Variants in NCOA3 observed in about 807,000 individuals in gnomAD.
NCOA3 encodes the protein nuclear receptor coactivator 3.
NCOA3 carries 51 observed loss-of-function variants against 158.8 expected under a neutral mutation model. The observed-to-expected ratio is 0.32, with a 90% confidence interval of 0.26 to 0.41. The LOEUF (loss-of-function observed/expected upper bound fraction) is 0.41, where lower values mean the gene tolerates loss of function less well. NCOA3 is among the 10% of genes least tolerant of loss of function. The pLI, the probability that NCOA3 is intolerant of heterozygous loss-of-function variation, is 1.00. For synonymous variants in NCOA3, 537 were observed against 592.4 expected (o/e 0.91, Z 1.36); for missense variants, 1,510 against 1,746.6 (o/e 0.86, Z 2.41).
intron 2 of NCOA3, among the ~76,000 whole-genome samples, chr20:47,602,084 A>G (rs1297491741): frequency 3.3e-5 from 5 of 152,252 alleles, no homozygotes; most frequent in Non-Finnish European, 5.9e-5. Context: ...TGAGTACACA[A>G]GCATTTGGAA....
Position 47,636,262 on chromosome 20 carries a change from A to T in NCOA3, c.1876A>T (p.Thr626Ser), listed in dbSNP as rs773912198. 5.6e-6 allele frequency: 9 copies of T among 1,614,058 alleles called. No homozygotes were observed. Among genetic ancestry groups the T allele is most frequent in the African/African-American group, 1.3e-5 (1 of 75,000 alleles). Residue 626 changes from threonine to serine, a missense_variant, in exon 12 of 23, where the codon ACC becomes TCC. Coordinates refer to ENST00000371998, the MANE Select transcript of NCOA3 (RefSeq NM_181659.3). ...KGHKKLLQLL[T>S]CSSDDRGHSS... ...TCATAAAAAATTACTGCAGTTACTT[A>T]CCTGTTCTTCTGATGACCGGGGTCA...
In NCOA3 at chr20:47,654,486, T is replaced by C. The variant is rs960690091; in HGVS notation, c.*1069T>C. On this transcript the variant is annotated 3_prime_UTR_variant, in exon 23 of 23. Transcript: ENST00000371998. ...TACAGAGTTTGTGAAGCTAAATATT[T>C]AACATTGTTGATTTCAGTAAGCTGT... is the stretch of plus-strand genomic sequence containing the variant. 5 of 152,620 alleles carry C rather than the reference T, an allele frequency of 3.3e-5. No individual in the cohort carries two copies. The highest frequency in any genetic ancestry group is 7.3e-5 in the Non-Finnish European group (5 of 68,038). 9.5% of individuals were successfully genotyped at this position (152,620 alleles called of 1,614,324 possible).
At chr20:47,620,715 C>T (rs897664903) in intron 2 of NCOA3, among the ~76,000 whole-genome samples, 13 of 152,084 alleles carry the variant, frequency 8.5e-5, no homozygotes, top group African/African-American at 1.4e-4. Flanking sequence ...CTTAAATAAC[C>T]GTCGTTCATT....
chr20:47,637,903 C>T, intron 13 of NCOA3, 120 bp downstream of exon 13: 1 of 886,300 alleles, frequency 1.1e-6, no homozygotes, highest in East Asian at 2.9e-5. Flanking sequence ...AACATATATT[C>T]TGCCTCTGTT....
intron 1 of NCOA3, among the ~76,000 whole-genome samples, chr20:47,535,019 G>GT (rs35717308): frequency 0.22 from 31,718 of 144,094 alleles, 3,757 homozygotes; most frequent in Middle Eastern, 0.33. Flanking sequence ...GCCCAGGCTT[G>GT]TTTTTTTTTT....
chr20:47,642,432 G>A, intron 17 of NCOA3, 48 bp downstream of exon 17: 4 of 1,365,614 alleles, frequency 2.9e-6, no homozygotes, highest in Non-Finnish European at 3.9e-6. Flanking sequence ...TTGTGTGTGT[G>A]CGCGCGTACA....
intron 17 of NCOA3, among the ~76,000 whole-genome samples, chr20:47,645,355 T>C (rs1176284857): frequency 6.6e-6 from 1 of 152,048 alleles, no homozygotes; most frequent in Non-Finnish European, 1.5e-5. Flanking sequence ...TTCAGCACCA[T>C]GCTCTGATCC....
rs150868784 is a variant in NCOA3 at position 47,558,508 on chromosome 20, A to G, written c.-98-24675A>G. Among the ~76,000 whole-genome samples the G allele has an allele frequency of 7.4e-3, 1,120 of 152,210 alleles. 15 individuals are homozygous for G. The highest frequency in any genetic ancestry group is 0.025 in the African/African-American group (1,058 of 41,534). On this transcript the variant is annotated intron_variant, in intron 1 of 22. Coordinates refer to ENST00000371998, the MANE Select transcript of NCOA3 (RefSeq NM_181659.3). ...GTCACATTGTGAGAGGTGAGGATTA[A>G]AACATGAAATTTGGCAGGGTGCAAA... is the stretch of plus-strand genomic sequence containing the variant.
chr20:47,624,190 AT>A (rs2086285790), intron 4 of NCOA3, 107 bp downstream of exon 4: 1 of 906,562 alleles, frequency 1.1e-6, no homozygotes, highest in South Asian at 1.7e-5. Context: ...GGTAGAGGGG[AT>A]GGTTTCAGGA....
chr20:47,570,941 C>CAG (rs1568691731), intron 1 of NCOA3, among the ~76,000 whole-genome samples: 3 of 102,894 alleles, frequency 2.9e-5, no homozygotes, highest in Non-Finnish European at 6.4e-5. Flanking sequence ...AATATATATA[C>CAG]ACACACACAC....
chr20:47,584,456 C>T (rs753035618), intron 2 of NCOA3, among the ~76,000 whole-genome samples: 26 of 151,948 alleles, frequency 1.7e-4, no homozygotes, highest in Non-Finnish European at 3.2e-4. Flanking sequence ...TCCGTCTCTA[C>T]TAAAAATACA....
chr20:47,602,441 G>T (rs1244544981), intron 2 of NCOA3, among the ~76,000 whole-genome samples: 1 of 152,088 alleles, frequency 6.6e-6, no homozygotes, highest in Non-Finnish European at 1.5e-5. Context: ...AATTCAAAAA[G>T]AATTCTAGAA....
chr20:47,518,176 G>A (rs1056933094), intron 1 of NCOA3, among the ~76,000 whole-genome samples: 2 of 150,828 alleles, frequency 1.3e-5, no homozygotes, highest in East Asian at 1.9e-4. Context: ...GGGAGACCCC[G>A]TCTCTGCCAA....
chr20:47,514,380 A>C (rs970516916), intron 1 of NCOA3, among the ~76,000 whole-genome samples: 4 of 152,170 alleles, frequency 2.6e-5, no homozygotes, highest in African/African-American at 9.6e-5. Flanking sequence ...TTTCAAAAAT[A>C]AACTTGTAAC....
chr20:47,520,536 C>T (rs563699428), intron 1 of NCOA3, among the ~76,000 whole-genome samples: 7 of 152,322 alleles, frequency 4.6e-5, no homozygotes, highest in South Asian at 2.1e-4. Context: ...CTGAAATTTG[C>T]GGAAGGCTCA....
chr20:47,532,110 T>TTGTGTGTGTGTG (rs11474538), intron 1 of NCOA3, among the ~76,000 whole-genome samples: 5,351 of 147,440 alleles, frequency 0.036, 283 homozygotes, highest in African/African-American at 0.12. Context: ...AGGGGGGGAC[T>TTGTGTGTGTGTG]TGTGTGTGTG....
At chr20:47,603,003 GGAA>G (rs2085887050) in intron 2 of NCOA3, among the ~76,000 whole-genome samples, 1 of 152,160 alleles carries the variant, frequency 6.6e-6, no homozygotes, top group African/African-American at 2.4e-5. Flanking sequence ...GATTTTTCAA[GGAA>G]GAAGTAATCC....
chr20:47,556,948 G>T (rs936497858), intron 1 of NCOA3, among the ~76,000 whole-genome samples: 1 of 152,106 alleles, frequency 6.6e-6, no homozygotes, highest in East Asian at 1.9e-4. Context: ...GGCTCACCTT[G>T]TACTTACTCT....
chr20:47,639,168 G>A lies in NCOA3; in HGVS notation c.2673G>A (p.Met891Ile). The change falls in exon 14 of 23, where the codon ATG (methionine) becomes ATA (isoleucine). Residue 891 changes from methionine (M) to isoleucine (I), a missense_variant. By Grantham distance (10) the Met-to-Ile change is conservative (BLOSUM62 1). Around this residue, in one of 4 missense-constraint regions of NCOA3, gnomAD observed 1,017 missense variants for 1,098.3 expected, o/e 0.93. Coordinates refer to ENST00000371998, the MANE Select transcript of NCOA3 (RefSeq NM_181659.3). Reference protein sequence around the residue: ...KQPMLGGNPRMMDSQENYGSS... With the variant: ...KQPMLGGNPRIMDSQENYGSS... ...CCATGTTGGGTGGGAATCCAAGAAT[G>A]ATGGATAGTCAGGAAAATTATGGCT... 6.2e-7 allele frequency: 1 copy of A among 1,614,066 alleles called. No homozygotes were observed. Among genetic ancestry groups the A allele is most frequent in the Non-Finnish European group, 8.5e-7 (1 of 1,179,972 alleles).
Sources: allele counts gnomAD v4.1 joint callset (sites outside exome capture counted in the v4.1 genomes callset), GRCh38; gene constraint gnomAD v4.1.1; regional missense constraint gnomAD v4.1.1; transcripts MANE v1.5; gene names NCBI Gene and HGNC (gene_info 2026-07-23, HGNC 2026-07-21).